SYNDIG1L: variants seen among roughly 807,000 people sequenced by gnomAD.
SYNDIG1L encodes synapse differentiation inducing 1 like.
Under a neutral mutation model 20.1 loss-of-function variants are expected in SYNDIG1L, and 13 were observed. That is an observed-to-expected ratio of 0.65 (90% CI 0.42 to 1.03). SYNDIG1L has a LOEUF of 1.03. Among genes scored for constraint, SYNDIG1L ranks in the 50% least tolerant of loss-of-function variants. SYNDIG1L has a pLI of 0.00. For missense variants in SYNDIG1L, 294 were observed against 305.1 expected (o/e 0.96, Z 0.27); for synonymous variants, 128 against 129.3 (o/e 0.99, Z 0.07).
chr14:74,446,209 A>G, the SYNDIG1L span, among the ~76,000 whole-genome samples: 1 of 152,208 alleles, frequency 6.6e-6, no homozygotes, highest in South Asian at 2.1e-4. Context: ...AGTAAATTTA[A>G]ATTTGTGATT....
At chr14:74,447,595 A>C in the SYNDIG1L span, among the ~76,000 whole-genome samples, 1 of 152,140 alleles carries the variant, frequency 6.6e-6, no homozygotes, top group African/African-American at 2.4e-5. Context: ...TCAAAAAAAA[A>C]AAAAAAAATT....
chr14:74,433,521 T>C, the SYNDIG1L span, among the ~76,000 whole-genome samples: 1 of 152,000 alleles, frequency 6.6e-6, no homozygotes. Flanking sequence ...GTAGCTGAGA[T>C]TATAGGCACG....
chr14:74,407,365 G>T lies in SYNDIG1L; in HGVS notation c.*170C>A. The stretch of plus-strand genomic sequence containing the variant: ...CTCTGGGGCTGGGAGCAGCGGGCAA[G>T]CAGAAGTGAAGGCTGAGCTCTGCAG... On this transcript the variant is annotated 3_prime_UTR_variant, in exon 4 of 4. Coordinates refer to ENST00000331628, the MANE Select transcript of SYNDIG1L (RefSeq NM_001105579.2). The T allele has an allele frequency of 1.1e-6, 1 of 941,944 alleles. No homozygotes were observed. Among genetic ancestry groups the T allele is most frequent in the Non-Finnish European group, 1.6e-6 (1 of 642,938 alleles). 58.3% of individuals were successfully genotyped at this position (941,944 alleles called of 1,614,324 possible).
chr14:74,419,535 T>C lies in SYNDIG1L; in HGVS notation c.-58+6377A>G, dbSNP rs548493852. ...TTTGGTTCTGCACAATAAACATTTC[T>C]TGAACAATTACTTCAGGCCAGTTAT... On this transcript the variant is annotated intron_variant, in intron 1 of 3. Transcript: ENST00000331628. 6.6e-5 allele frequency among the ~76,000 whole-genome samples: 10 copies of C among 152,360 alleles called. No individual in the cohort carries two copies. The South Asian group carries it at 2.1e-3, about 32-fold the overall frequency.
chr14:74,409,048 T>TTTTTTTTA (rs2086108290), intron 2 of SYNDIG1L, among the ~76,000 whole-genome samples: 1 of 139,750 alleles, frequency 7.2e-6, no homozygotes, highest in Non-Finnish European at 1.5e-5. Context: ...GGAACTTGCA[T>TTTTTTTTA]TTTATTTATT....
chr14:74,428,722 C>G (rs1244719216), upstream of SYNDIG1L, among the ~76,000 whole-genome samples: 1 of 152,106 alleles, frequency 6.6e-6, no homozygotes, highest in Non-Finnish European at 1.5e-5. Context: ...GGTAGGAAGG[C>G]CGGAGTGAAC....
chr14:74,470,862 T>C, the SYNDIG1L span, among the ~76,000 whole-genome samples: 1 of 152,210 alleles, frequency 6.6e-6, no homozygotes, highest in Non-Finnish European at 1.5e-5. Flanking sequence ...AACTTCACTG[T>C]TTAGGGCTTT....
chr14:74,460,357 T>G, the SYNDIG1L span, among the ~76,000 whole-genome samples: 1 of 151,654 alleles, frequency 6.6e-6, no homozygotes, highest in Non-Finnish European at 1.5e-5. Context: ...TGATGTCACA[T>G]CCCCAGGGAC....
At chr14:74,419,436 G>C (rs1295911230) in intron 1 of SYNDIG1L, among the ~76,000 whole-genome samples, 3 of 152,194 alleles carry the variant, frequency 2.0e-5, no homozygotes, top group Admixed American at 6.5e-5. Context: ...GGTGAGCTAG[G>C]TGTACTGAGA....
intron 1 of SYNDIG1L, among the ~76,000 whole-genome samples, chr14:74,412,866 T>C (rs2086142978): frequency 6.6e-6 from 1 of 152,178 alleles, no homozygotes; most frequent in Admixed American, 6.5e-5. Context: ...CCATAATGTA[T>C]GTCCCTTCAA....
At chr14:74,421,025 AT>A (rs2086216843) in intron 1 of SYNDIG1L, among the ~76,000 whole-genome samples, 1 of 152,220 alleles carries the variant, frequency 6.6e-6, no homozygotes, top group Non-Finnish European at 1.5e-5. Context: ...CTACAGGAAA[AT>A]AAAAGAGAAG....
At chr14:74,435,751 C>A in the SYNDIG1L span, among the ~76,000 whole-genome samples, 1 of 152,182 alleles carries the variant, frequency 6.6e-6, no homozygotes, top group Non-Finnish European at 1.5e-5. Flanking sequence ...ACTAAATCTT[C>A]TTGGGAACAT....
At chr14:74,479,784 A>G in the SYNDIG1L span, 9 of 209,708 alleles carry the variant, frequency 4.3e-5, no homozygotes, top group South Asian at 6.8e-4. Context: ...CATTTTATAT[A>G]AAATAGATAT....
At chr14:74,459,159 G>C in the SYNDIG1L span, among the ~76,000 whole-genome samples, 3 of 152,080 alleles carry the variant, frequency 2.0e-5, no homozygotes, top group African/African-American at 7.2e-5. Context: ...GGTAGGGAAA[G>C]TCCCTGGGTC....
Position 74,407,350 on chromosome 14 carries a change from G to C in SYNDIG1L, c.*185C>G. 10 of 835,938 alleles carry C rather than the reference G, an allele frequency of 1.2e-5. No individual in the cohort carries two copies. The highest frequency in any genetic ancestry group is 1.8e-5 in the Non-Finnish European group (10 of 549,392). The allele number at this position is 835,938 out of a possible 1,614,324, so 51.8% of individuals were successfully genotyped here. A position where few individuals can be genotyped will look rare whatever the true frequency, so the allele number is the denominator to read the frequency against. On this transcript the variant is annotated 3_prime_UTR_variant, in exon 4 of 4. Transcript: ENST00000331628. ...GCGCCCCGGGCCCTGCTCTGGGGCT[G>C]GGAGCAGCGGGCAAGCAGAAGTGAA...
upstream of SYNDIG1L, among the ~76,000 whole-genome samples, chr14:74,427,664 C>T (rs541310493): frequency 6.4e-4 from 97 of 152,236 alleles, 1 homozygote; most frequent in African/African-American, 2.3e-3. Context: ...AGTGAGAAGC[C>T]CCCTGAGGCC....
the SYNDIG1L span, among the ~76,000 whole-genome samples, chr14:74,445,497 C>T: frequency 1.1e-4 from 16 of 150,618 alleles, no homozygotes; most frequent in African/African-American, 2.4e-4. Context: ...TGTTTTGAGA[C>T]GGAGTCTCAC....
chr14:74,413,033 G>T (rs546348029), intron 1 of SYNDIG1L, among the ~76,000 whole-genome samples: 1 of 152,326 alleles, frequency 6.6e-6, no homozygotes, highest in South Asian at 2.1e-4. Context: ...CAGGAGGACT[G>T]CCCTCCTGTC....
Position 74,407,361 on chromosome 14 carries a change from G to T in SYNDIG1L, c.*174C>A. ...CCTGCTCTGGGGCTGGGAGCAGCGG[G>T]CAAGCAGAAGTGAAGGCTGAGCTCT... is the stretch of plus-strand genomic sequence containing the variant. On this transcript the variant is annotated 3_prime_UTR_variant, in exon 4 of 4. Transcript: ENST00000331628. The T allele has an allele frequency of 2.2e-6, 2 of 903,970 alleles. No individual in the cohort carries two copies. The highest frequency in any genetic ancestry group is 3.3e-6 in the Non-Finnish European group (2 of 609,440). 56.0% of individuals were successfully genotyped at this position (903,970 alleles called of 1,614,324 possible).
Sources: gnomAD v4.1 joint callset for allele counts (sites outside exome capture counted in the v4.1 genomes callset) on GRCh38, gnomAD v4.1.1 for gene constraint, MANE v1.5 for transcripts, NCBI Gene and HGNC (gene_info 2026-07-23, HGNC 2026-07-21) for gene names.